Variants in ARNT observed in about 807,000 individuals in gnomAD.
ARNT encodes class E basic helix-loop-helix protein 2.
Under a neutral mutation model 105.0 loss-of-function variants are expected in ARNT, and 30 were observed. That is an observed-to-expected ratio of 0.29 (90% CI 0.21 to 0.39). The LOEUF (loss-of-function observed/expected upper bound fraction) is 0.39. Among genes scored for constraint, ARNT ranks in the 10% least tolerant of loss-of-function variants. ARNT has a pLI of 1.00. For missense variants in ARNT, 748 were observed against 978.7 expected, an observed-to-expected ratio of 0.76 and a Z score of 3.15; for synonymous variants, 304 against 344.0, an observed-to-expected ratio of 0.88 and a Z score of 1.29.
At chr1:150,841,583 AT>A (rs34695779) in intron 5 of ARNT, among the ~76,000 whole-genome samples, 1,614 of 152,270 alleles carry the variant, frequency 0.011, 22 homozygotes, top group African/African-American at 0.037. Flanking sequence ...AAAAATGGGT[AT>A]TGGCATCAAT....
chr1:150,820,730 C>T (rs146681310), intron 14 of ARNT, among the ~76,000 whole-genome samples: 4 of 152,154 alleles, frequency 2.6e-5, no homozygotes, highest in African/African-American at 9.6e-5. Context: ...ATCCTATAAG[C>T]TGGAAAATGA....
intron 5 of ARNT, among the ~76,000 whole-genome samples, chr1:150,840,281 T>C (rs969842428): frequency 6.6e-6 from 1 of 151,778 alleles, no homozygotes; most frequent in Admixed American, 6.6e-5. Context: ...AAAAAAAAGA[T>C]AGTATTTTTA....
chr1:150,838,966 T>C (rs1660799365), intron 6 of ARNT, among the ~76,000 whole-genome samples: 1 of 152,228 alleles, frequency 6.6e-6, no homozygotes, highest in Non-Finnish European at 1.5e-5. Context: ...GTTTACGCCT[T>C]CTTTTTTTCA....
chr1:150,871,310 T>C (rs1667392575), intron 1 of ARNT, among the ~76,000 whole-genome samples: 1 of 148,282 alleles, frequency 6.7e-6, no homozygotes, highest in Admixed American at 6.7e-5. Context: ...TTTTTTTTTT[T>C]TTTTTTTTTA....
chr1:150,838,979 G>C (rs954160052), intron 6 of ARNT, among the ~76,000 whole-genome samples: 1 of 151,958 alleles, frequency 6.6e-6, no homozygotes, highest in African/African-American at 2.4e-5. Flanking sequence ...TTTTTTCATA[G>C]TGATCACATG....
chr1:150,860,233 T>TTTTTTTG (rs1665381677), intron 1 of ARNT, among the ~76,000 whole-genome samples: 2 of 148,380 alleles, frequency 1.3e-5, no homozygotes, highest in African/African-American at 2.5e-5. Flanking sequence ...TTTTTTTTTT[T>TTTTTTTG]GAGTTAGAGT....
At chr1:150,835,181 A>G (rs1660092877) in intron 7 of ARNT, among the ~76,000 whole-genome samples, 1 of 151,974 alleles carries the variant, frequency 6.6e-6, no homozygotes, top group Admixed American at 6.5e-5. Context: ...TTAAAAAGAA[A>G]AAAACCAAGT....
Position 150,814,221 on chromosome 1 carries a change from T to C in ARNT, c.1969A>G (p.Thr657Ala). The change falls in exon 20 of 22, where the codon ACT becomes GCT. Residue 657 changes from threonine (T) to alanine (A), a missense_variant. Around this residue, in one of 4 missense-constraint regions of ARNT, gnomAD observed 360 missense variants for 411.9 expected, o/e 0.87. Transcript: ENST00000358595. ...AACTGGGAAGTACGAGTCTTAGCAG[T>C]AGCCTGGGTAGCCACCTGCTAAAGA... is the stretch of plus-strand genomic sequence containing the variant. ...FSAQQVATQATAKTRTSQFGV... is the reference protein window; with the variant it reads ...FSAQQVATQAAAKTRTSQFGV... 6.2e-7 allele frequency: 1 copy of C among 1,614,092 alleles called. No individual in the cohort carries two copies. Among genetic ancestry groups the C allele is most frequent in the African/African-American group, 1.3e-5 (1 of 75,040 alleles).
chr1:150,872,378 T>C (rs1667591770), intron 1 of ARNT, among the ~76,000 whole-genome samples: 1 of 152,240 alleles, frequency 6.6e-6, no homozygotes, highest in African/African-American at 2.4e-5. Context: ...CTAAGTTATA[T>C]AGGTGAAAAT....
intron 13 of ARNT, among the ~76,000 whole-genome samples, chr1:150,824,683 G>A (rs1383957222): frequency 6.6e-6 from 1 of 151,694 alleles, no homozygotes; most frequent in East Asian, 1.9e-4. Context: ...TCAAACTCCT[G>A]ACCTCAAATG....
At chr1:150,843,159 CT>C (rs1338209023) in intron 4 of ARNT, among the ~76,000 whole-genome samples, 1 of 152,050 alleles carries the variant, frequency 6.6e-6, no homozygotes, top group African/African-American at 2.4e-5. Flanking sequence ...TGATTCGGTC[CT>C]TTTGCCATTT....
intron 2 of ARNT, chr1:150,853,274 TCCATCTC>T: frequency 2.7e-6 from 1 of 376,454 alleles, no homozygotes; most frequent in Admixed American, 3.4e-5. Flanking sequence ...ACTGCAAGAC[TCCATCTC>T]AAAAAAAAAA....
At chr1:150,813,429 T>A (rs1655156121) in intron 20 of ARNT, 91 bp from the exon 21 acceptor site, 2 of 1,339,578 alleles carry the variant, frequency 1.5e-6, no homozygotes, top group African/African-American at 2.9e-5. Context: ...AGGTAAGCCA[T>A]TAATTTTACC....
intron 19 of ARNT, among the ~76,000 whole-genome samples, chr1:150,814,445 A>G (rs1021152436): frequency 1.7e-4 from 26 of 152,228 alleles, no homozygotes. Flanking sequence ...ACAAAAAAGC[A>G]ATGAACTATG....
At chr1:150,816,186 G>GA in intron 19 of ARNT, 73 bp downstream of exon 19, 1 of 1,517,248 alleles carries the variant, frequency 6.6e-7, no homozygotes, top group Non-Finnish European at 8.9e-7. Context: ...AGAAAACACT[G>GA]ATTTTACATA....
intron 1 of ARNT, among the ~76,000 whole-genome samples, chr1:150,864,219 G>A (rs1019121529): frequency 2.0e-5 from 3 of 152,054 alleles, no homozygotes; most frequent in African/African-American, 7.2e-5. Flanking sequence ...TGATGTCACT[G>A]GGCAATAGGA....
At chr1:150,848,951 C>T (rs904165666) in intron 3 of ARNT, among the ~76,000 whole-genome samples, 2 of 152,150 alleles carry the variant, frequency 1.3e-5, no homozygotes, top group South Asian at 2.1e-4. Context: ...TGCCTATAAT[C>T]CCAGCACTTT....
intron 4 of ARNT, among the ~76,000 whole-genome samples, chr1:150,843,234 T>C (rs992971551): frequency 6.6e-6 from 1 of 152,206 alleles, no homozygotes; most frequent in African/African-American, 2.4e-5. Context: ...TGGAGAAGGA[T>C]ACAAAGAACC....
intron 1 of ARNT, among the ~76,000 whole-genome samples, chr1:150,860,516 G>GA (rs1286635897): frequency 6.7e-6 from 1 of 149,640 alleles, no homozygotes; most frequent in Admixed American, 6.7e-5. Context: ...GTGCCCAGCA[G>GA]AAAAAAAAAT....
Sources: gnomAD v4.1 joint callset for allele counts (sites outside exome capture counted in the v4.1 genomes callset) on GRCh38, gnomAD v4.1.1 for gene constraint, gnomAD v4.1.1 regional missense constraint, MANE v1.5 for transcripts, NCBI Gene and HGNC (gene_info 2026-07-23, HGNC 2026-07-21) for gene names.